The following GABRB1 variants were observed in gnomAD, a reference collection of about 807,000 sequenced individuals.
GABRB1 encodes the protein gamma-aminobutyric acid receptor subunit beta-1.
In GABRB1, 17 loss-of-function variants were observed where a neutral mutation model predicts 51.6. The ratio of observed to expected loss-of-function variants is 0.33; its 90% confidence interval spans 0.23 to 0.49. GABRB1 has a LOEUF of 0.49. Among genes scored for constraint, GABRB1 ranks in the 20% least tolerant of loss-of-function variants. The probability of loss-of-function intolerance (pLI) is 0.99; values close to 1 mark genes in which losing one functional copy is unlikely to be tolerated. For synonymous variants in GABRB1, 247 were observed against 218.9 expected, an observed-to-expected ratio of 1.13 and a Z score of -1.14; for missense variants, 410 against 600.6, an observed-to-expected ratio of 0.68 and a Z score of 3.32.
At chr4:47,386,812 AAGG>A (rs1401509384) in intron 5 of GABRB1, among the ~76,000 whole-genome samples, 2 of 152,234 alleles carry the variant, frequency 1.3e-5, no homozygotes, top group African/African-American at 4.8e-5. Flanking sequence ...CATTCTGTAA[AAGG>A]AGAATCAGTA....
intron 4 of GABRB1, among the ~76,000 whole-genome samples, chr4:47,302,352 T>C (rs1192641605): frequency 6.6e-6 from 1 of 152,076 alleles, no homozygotes; most frequent in African/African-American, 2.4e-5. Context: ...AAGAGAGGAA[T>C]GTTATTTTTA....
At chr4:47,395,235 T>A (rs1728140184) in intron 5 of GABRB1, among the ~76,000 whole-genome samples, 1 of 152,108 alleles carries the variant, frequency 6.6e-6, no homozygotes, top group African/African-American at 2.4e-5. Flanking sequence ...TGACTCACAG[T>A]TCCACAGGCT....
At chr4:47,052,249 G>A (rs1318690977) in intron 3 of GABRB1, among the ~76,000 whole-genome samples, 1 of 152,152 alleles carries the variant, frequency 6.6e-6, no homozygotes, top group Non-Finnish European at 1.5e-5. Context: ...CAATATGGAG[G>A]CCCCATGTCA....
At chr4:47,128,751 G>T (rs1716278210) in intron 3 of GABRB1, among the ~76,000 whole-genome samples, 1 of 151,920 alleles carries the variant, frequency 6.6e-6, no homozygotes, top group African/African-American at 2.4e-5. Context: ...TTTTCAGAGG[G>T]AGTAAATGAG....
chr4:47,224,223 A>G (rs1720868223), intron 4 of GABRB1, among the ~76,000 whole-genome samples: 10 of 152,088 alleles, frequency 6.6e-5, no homozygotes, highest in Admixed American at 5.2e-4. Context: ...ATTTGACTCA[A>G]ATAAGACTCA....
chr4:47,251,836 G>C (rs1040880288), intron 4 of GABRB1, among the ~76,000 whole-genome samples: 1 of 152,094 alleles, frequency 6.6e-6, no homozygotes, highest in African/African-American at 2.4e-5. Context: ...CACTCCTGCT[G>C]TGCCCCACCT....
intron 3 of GABRB1, among the ~76,000 whole-genome samples, chr4:47,137,208 G>A (rs1340801391): frequency 6.6e-6 from 1 of 152,112 alleles, no homozygotes; most frequent in East Asian, 1.9e-4. Context: ...GCAGTTGAAA[G>A]TGTGGGCTAA....
chr4:47,157,750 A>G lies in GABRB1; in HGVS notation c.241-3499A>G, dbSNP rs770310200. 3.5e-4 allele frequency among the ~76,000 whole-genome samples: 53 copies of G among 152,094 alleles called. 1 individual carries two copies. The highest frequency in any genetic ancestry group is 2.1e-4 in the Non-Finnish European group (14 of 68,004). ...TTCCATAATGTTCATTATTATCATCACAATTATTATTATCTTCAAAAAGGT... is the reference window on the plus strand; with the variant it reads ...TTCCATAATGTTCATTATTATCATCGCAATTATTATTATCTTCAAAAAGGT... On this transcript the variant is annotated intron_variant, in intron 3 of 8. Transcript: ENST00000295454.
rs749552064 is a variant in GABRB1 at position 47,031,728 on chromosome 4, A to C, written c.77A>C (p.His26Pro). 1 of 1,612,968 alleles carries C rather than the reference A, an allele frequency of 6.2e-7. No individual in the cohort carries two copies. Among genetic ancestry groups the C allele is most frequent in the Non-Finnish European group, 8.5e-7 (1 of 1,179,086 alleles). The change falls in exon 1 of 9, where the codon CAC becomes CCC. Residue 26 changes from histidine (H) to proline (P), a missense_variant. Physicochemically the swap from His to Pro is moderately conservative, Grantham distance 77. Coordinates refer to ENST00000295454, the MANE Select transcript of GABRB1 (RefSeq NM_000812.4). ...ATGATTACCATGGTCTGTTGTGCAC[A>C]CAGGTGAGCTGCTGTTGTTGAATCT... ...PVMITMVCCA[H>P]STNEPSNMSY...
At chr4:47,219,545 T>C (rs1720690319) in intron 4 of GABRB1, among the ~76,000 whole-genome samples, 1 of 151,934 alleles carries the variant, frequency 6.6e-6, no homozygotes, top group Admixed American at 6.6e-5. Flanking sequence ...TAGAATCTTT[T>C]GGACTCAGTG....
chr4:47,207,225 C>T (rs534348050), intron 4 of GABRB1, among the ~76,000 whole-genome samples: 13 of 152,094 alleles, frequency 8.5e-5, no homozygotes, highest in Non-Finnish European at 1.8e-4. Flanking sequence ...AATCCATTAA[C>T]TTGATGTTAA....
At chr4:47,231,745 A>T (rs1467301522) in intron 4 of GABRB1, among the ~76,000 whole-genome samples, 1 of 152,208 alleles carries the variant, frequency 6.6e-6, no homozygotes, top group Non-Finnish European at 1.5e-5. Flanking sequence ...GTGGGTACTC[A>T]TGCCCACTGT....
intron 4 of GABRB1, among the ~76,000 whole-genome samples, chr4:47,271,701 C>T (rs1202719104): frequency 2.0e-5 from 3 of 152,064 alleles, no homozygotes. Flanking sequence ...AGAGATATAT[C>T]ATCAGTAACG....
chr4:47,245,907 C>CT (rs1285056637), intron 4 of GABRB1, among the ~76,000 whole-genome samples: 1 of 142,946 alleles, frequency 7.0e-6, no homozygotes, highest in Non-Finnish European at 1.5e-5. Flanking sequence ...CCTTTTCTGT[C>CT]TTTTTTTCTT....
intron 4 of GABRB1, among the ~76,000 whole-genome samples, chr4:47,189,645 T>C (rs963927490): frequency 6.6e-6 from 1 of 151,906 alleles, no homozygotes; most frequent in Admixed American, 6.6e-5. Context: ...TTTTTAATAG[T>C]TGATTCGCAT....
intron 5 of GABRB1, among the ~76,000 whole-genome samples, chr4:47,325,585 G>A (rs1325509286): frequency 6.6e-6 from 1 of 151,982 alleles, no homozygotes; most frequent in African/African-American, 2.4e-5. Context: ...CTTGCTTACT[G>A]TATACATTAC....
Position 46,994,960 on chromosome 4 carries a change from A to G in GABRB1, c.-20+1034A>G, listed in dbSNP as rs140539799. Among the ~76,000 whole-genome samples the G allele has an allele frequency of 3.4e-4, 51 of 152,236 alleles. 1 individual carries two copies. The East Asian group carries it at 9.5e-3, about 28-fold the overall frequency. ...AGTTTTCTTTCTAAGGGAAAGCCCA[A>G]AGTGCTCATCGTGGGCAGTAGCTAG... On this transcript the variant is annotated intron_variant, in intron 1 of 3. Coordinates refer to the GABRB1 transcript ENST00000513567.
chr4:47,152,603 A>T (rs536729748), intron 3 of GABRB1, among the ~76,000 whole-genome samples: 1 of 152,046 alleles, frequency 6.6e-6, no homozygotes, highest in East Asian at 1.9e-4. Flanking sequence ...TTTTTCCTTG[A>T]GCCCTGTCTT....
chr4:47,109,232 T>G (rs1715117263), intron 3 of GABRB1, among the ~76,000 whole-genome samples: 1 of 152,032 alleles, frequency 6.6e-6, no homozygotes, highest in Non-Finnish European at 1.5e-5. Flanking sequence ...GTATTTGTAA[T>G]AGACATCATT....
Sources: gnomAD v4.1 joint callset for allele counts (sites outside exome capture counted in the v4.1 genomes callset) on GRCh38, gnomAD v4.1.1 for gene constraint, MANE v1.5 for transcripts, NCBI Gene and HGNC (gene_info 2026-07-23, HGNC 2026-07-21) for gene names.